IMPA2: variants seen among roughly 807,000 people sequenced by gnomAD.
IMPA2 encodes the protein IMP 2.
Under a neutral mutation model 35.1 loss-of-function variants are expected in IMPA2, and 32 were observed. That is an observed-to-expected ratio of 0.91 (90% CI 0.69 to 1.23). IMPA2 has a LOEUF of 1.23. Ranked by LOEUF, IMPA2 falls within the 50% of genes most tolerant of loss-of-function variation. The pLI is 0.00. For missense variants in IMPA2, 334 were observed against 387.6 expected (o/e 0.86, Z 1.16); for synonymous variants, 135 against 160.6 (o/e 0.84, Z 1.20).
At chr18:12,022,215 TCA>T (rs1447865188) in intron 5 of IMPA2, among the ~76,000 whole-genome samples, 1 of 151,938 alleles carries the variant, frequency 6.6e-6, no homozygotes, top group Non-Finnish European at 1.5e-5. Context: ...TCCCATGAAA[TCA>T]CAGAATATTT....
chr18:12,016,015 T>A (rs888678402), intron 5 of IMPA2, among the ~76,000 whole-genome samples: 1 of 152,144 alleles, frequency 6.6e-6, no homozygotes, highest in Admixed American at 6.5e-5. Context: ...CAGGGCCCCT[T>A]TATGTGGCCC....
intron 2 of IMPA2, among the ~76,000 whole-genome samples, chr18:12,007,635 C>CTTTCT (rs781529110): frequency 2.0e-5 from 1 of 50,064 alleles, no homozygotes; most frequent in African/African-American, 6.9e-5. Flanking sequence ...TTTCTTCTTT[C>CTTTCT]TTTCTTTCTT....
Position 12,029,122 on chromosome 18 carries a change from T to G in IMPA2, c.751+129T>G, listed in dbSNP as rs527740163. On this transcript the variant is annotated intron_variant, in intron 7 of 7. Transcript: ENST00000269159. ...CCAGAGTTTCTGTTTTTTTTTTTTT[T>G]TTTTTTTTTTTGAGACGGGGTCTTG... 1,203 of 918,508 alleles carry G rather than the reference T, an allele frequency of 1.3e-3. 3 individuals carry two copies. The highest frequency in any genetic ancestry group is 1.4e-3 in the Non-Finnish European group (901 of 635,066). 56.9% of individuals were successfully genotyped at this position (918,508 alleles called of 1,614,324 possible).
At chr18:12,029,081 G>A in intron 7 of IMPA2, 88 bp downstream of exon 7, 2 of 692,848 alleles carry the variant, frequency 2.9e-6, no homozygotes, top group Non-Finnish European at 4.4e-6. Context: ...CCCACCAACT[G>A]AATTTCCCAC....
intron 5 of IMPA2, among the ~76,000 whole-genome samples, chr18:12,020,190 TGATTGATTGATTGATTGATTGA>T (rs938870064): frequency 6.6e-6 from 1 of 151,826 alleles, no homozygotes; most frequent in African/African-American, 2.4e-5. Flanking sequence ...ATTGATTGAT[TGATTGATTGATTGATTGATTGA>T]AATGGAGTTT....
intron 1 of IMPA2, 75 bp downstream of exon 1, chr18:11,981,840 G>A: frequency 9.7e-7 from 1 of 1,032,424 alleles, no homozygotes; most frequent in Non-Finnish European, 1.2e-6. Context: ...CTGGAGTGGC[G>A]GGGTCCTGGC....
intron 5 of IMPA2, chr18:12,017,893 T>TATTTTTAAA: frequency 3.9e-6 from 1 of 258,706 alleles, no homozygotes; most frequent in Non-Finnish European, 7.7e-6. Context: ...CACCTGACCA[T>TATTTTTAAA]ATTTTTAAAA....
chr18:12,026,323 G>C (rs1428367166), intron 5 of IMPA2, among the ~76,000 whole-genome samples: 1 of 152,148 alleles, frequency 6.6e-6, no homozygotes, highest in Admixed American at 6.5e-5. Context: ...GTGAGCCATC[G>C]CGCCCGACCA....
chr18:12,015,972 A>G lies in IMPA2; in HGVS notation c.490+1599A>G, dbSNP rs1382935266. Among the ~76,000 whole-genome samples the G allele has an allele frequency of 2.0e-5, 3 of 152,180 alleles. No homozygotes were observed. In the East Asian group the frequency reaches 5.8e-4, roughly 29 times the overall value. ...CTCCCAGCCTGCAGGCTGCTAGCTC[A>G]AGCACCAACTCCACTAGGGCAAGGG... On this transcript the variant is annotated intron_variant, in intron 5 of 7. Transcript: ENST00000269159.
intron 1 of IMPA2, among the ~76,000 whole-genome samples, chr18:11,984,835 G>A (rs1302133928): frequency 6.6e-6 from 1 of 150,560 alleles, no homozygotes; most frequent in Admixed American, 6.6e-5. Context: ...GGGCGTGGTG[G>A]CGGGCGCCTG....
chr18:12,007,683 T>C (rs1907313769), intron 2 of IMPA2, among the ~76,000 whole-genome samples: 1 of 147,218 alleles, frequency 6.8e-6, no homozygotes, highest in Admixed American at 6.9e-5. Flanking sequence ...TTCTTTCCTT[T>C]CTTTCCTTTC....
chr18:11,999,615 G>A (rs933793585), intron 2 of IMPA2, among the ~76,000 whole-genome samples: 1 of 152,214 alleles, frequency 6.6e-6, no homozygotes, highest in Non-Finnish European at 1.5e-5. Flanking sequence ...GATGCCAAGT[G>A]GCACTGGCAG....
At position 12,010,828 on chromosome 18, in the gene IMPA2, A is replaced by T. The variant is rs1047187805; in HGVS notation, c.335+841A>T. Among the ~76,000 whole-genome samples the T allele has an allele frequency of 2.6e-5, 4 of 152,160 alleles. No homozygotes were observed. The highest frequency in any genetic ancestry group is 4.8e-5 in the African/African-American group (2 of 41,418). ...CTCTGATGGCATGTTTATATGTAAA[A>T]CATGAAGTTATTCCATGCTAAGCAC... On this transcript the variant is annotated intron_variant, in intron 3 of 7. Transcript: ENST00000269159. This position sits in a 1 kb window ranked among gnomAD's most constrained non-coding sequence, Gnocchi z 4.8.
At position 12,014,381 on chromosome 18, in the gene IMPA2, T is replaced by C; in HGVS notation, c.490+8T>C. The C allele has an allele frequency of 6.6e-7, 1 of 1,525,834 alleles. No individual in the cohort carries two copies. The highest frequency in any genetic ancestry group is 1.2e-5 in the South Asian group (1 of 84,646). The allele number at this position is 1,525,834 out of a possible 1,614,324, so 94.5% of individuals were successfully genotyped here. On this transcript the variant is annotated splice_region_variant and intron_variant, in intron 5 of 7. Transcript: ENST00000269159. ...GGGTCTCCGGGGAGACAGGTGGGCT[T>C]CACAACGCTCGTCTCAGTTTACTTC...
In IMPA2 at chr18:11,991,846, A is replaced by AAAT. The variant is rs1555644387; in HGVS notation, c.97-7208_97-7207insAAT. 6.9e-6 allele frequency among the ~76,000 whole-genome samples: 1 copy of AAAT among 144,118 alleles called. No individual in the cohort carries two copies. The highest frequency in any genetic ancestry group is 2.5e-5 in the African/African-American group (1 of 39,254). The allele number at this position is 144,118 out of a possible 152,430, so 94.5% of individuals were successfully genotyped here. On this transcript the variant is annotated intron_variant, in intron 1 of 7. Transcript: ENST00000269159. This position sits in a 1 kb window ranked among gnomAD's most constrained non-coding sequence, Gnocchi z 4.1. ...TGCCCTCGCAGAAACACCCAGAACA[A>AAAT]TTTTTTTTTTTTTTTGAGATGGAGC...
At chr18:11,993,997 T>G (rs934350314) in intron 1 of IMPA2, 3 of 152,188 alleles carry the variant, frequency 2.0e-5, no homozygotes, top group African/African-American at 7.2e-5. Flanking sequence ...CCCATGGCCT[T>G]CCTTATGACA....
Position 11,985,757 on chromosome 18 carries a change from C to A in IMPA2, c.96+3992C>A, listed in dbSNP as rs553609353. Among the ~76,000 whole-genome samples the A allele has an allele frequency of 1.1e-3, 166 of 152,252 alleles. 1 individual carries two copies. The highest frequency in any genetic ancestry group is 1.5e-3 in the Non-Finnish European group (99 of 68,036). Reference sequence around the variant, plus strand: ...TGGACAGGGGAGTATGCCTGGAAGCCCTTTCTACACTGGATGGCTCTCAGT... The same window carrying A: ...TGGACAGGGGAGTATGCCTGGAAGCACTTTCTACACTGGATGGCTCTCAGT... On this transcript the variant is annotated intron_variant, in intron 1 of 7. Coordinates refer to ENST00000269159, the MANE Select transcript of IMPA2 (RefSeq NM_014214.3).
Position 12,029,593 on chromosome 18 carries a change from G to A in IMPA2, c.751+600G>A, listed in dbSNP as rs567082102. On this transcript the variant is annotated intron_variant, in intron 7 of 7. Transcript: ENST00000269159. ...CTCACCACCATGCCCAGCTAATTTT[G>A]TATTTTTAGTAGAGATGGGGTTTTG... is the stretch of plus-strand genomic sequence containing the variant. 2.1e-3 allele frequency among the ~76,000 whole-genome samples: 320 copies of A among 151,790 alleles called. 1 individual carries two copies. Among genetic ancestry groups the A allele is most frequent in the African/African-American group, 7.4e-3 (304 of 41,356 alleles).
intron 1 of IMPA2, among the ~76,000 whole-genome samples, chr18:11,997,344 C>A (rs946768545): frequency 6.6e-6 from 1 of 152,220 alleles, no homozygotes; most frequent in African/African-American, 2.4e-5. Context: ...AGAGGCAGGG[C>A]CTGGGCAGTG....
Sources: gnomAD v4.1 joint callset for allele counts (sites outside exome capture counted in the v4.1 genomes callset) on GRCh38, gnomAD v4.1.1 for gene constraint, Gnocchi (gnomAD v3.1) non-coding constraint, MANE v1.5 for transcripts, NCBI Gene and HGNC (gene_info 2026-07-23, HGNC 2026-07-21) for gene names.